Variants in CYP26A1 observed in about 807,000 individuals in gnomAD.
The protein encoded by CYP26A1 is cytochrome P450 26A1.
In CYP26A1, 46 loss-of-function variants were observed where a neutral mutation model predicts 47.4. The ratio of observed to expected loss-of-function variants is 0.97; its 90% CI spans 0.77 to 1.24. CYP26A1 has a LOEUF of 1.24. Among genes scored for constraint, CYP26A1 ranks in the 50% most tolerant of loss-of-function variants. The probability of loss-of-function intolerance (pLI) is 0.00; values close to 1 mark genes in which losing one functional copy is unlikely to be tolerated. For missense variants in CYP26A1, 680 were observed against 644.4 expected (o/e 1.06, Z -0.60); for synonymous variants, 277 against 263.7 (o/e 1.05, Z -0.49).
At chr10:93,073,788 A>C (rs899503815), upstream of CYP26A1, 1 of 570,456 alleles carries the variant, frequency 1.8e-6, no homozygotes, top group African/African-American at 2.0e-5. Context: ...CAGGGGCCCA[A>C]TCCGCAATTA....
intron 6 of CYP26A1, 98 bp downstream of exon 6, chr10:93,076,794 G>T: frequency 1.9e-6 from 2 of 1,048,088 alleles, no homozygotes; most frequent in South Asian, 3.1e-5. Context: ...TTTGATAATT[G>T]TTCTGCCCTA....
chr10:93,073,878 C>T (rs989771594), upstream of CYP26A1: 2 of 675,032 alleles, frequency 3.0e-6, no homozygotes, highest in African/African-American at 3.6e-5. Flanking sequence ...GCGGCAGCGC[C>T]GTGGGGTTTG....
chr10:93,076,405 GC>G (rs1475687353), intron 5 of CYP26A1, 138 bp from the exon 6 acceptor site: 6 of 624,562 alleles, frequency 9.6e-6, no homozygotes, highest in Non-Finnish European at 1.7e-5. Context: ...ATGGCCATTA[GC>G]TGCTGTTTCC....
At chr10:93,075,476 A>G (rs1331592686) in intron 4 of CYP26A1, among the ~76,000 whole-genome samples, 169 bp downstream of exon 4, 2 of 152,220 alleles carry the variant, frequency 1.3e-5, no homozygotes, top group East Asian at 3.8e-4. Flanking sequence ...CCCGGTCAGG[A>G]GAGCTGCGGA....
rs1310797023 is a variant in CYP26A1, at chr10:93,074,077, C to G, written c.143C>G (p.Thr48Ser). 7.0e-7 allele frequency: 1 copy of G among 1,435,532 alleles called. No individual in the cohort carries two copies. The highest frequency in any genetic ancestry group is 3.4e-5 in the East Asian group (1 of 29,688). The allele number at this position is 1,435,532 out of a possible 1,614,324, so 88.9% of individuals were successfully genotyped here. Residue 48 changes from threonine (T) to serine (S), a missense_variant, in exon 1 of 7, where the codon ACT (threonine) becomes AGT (serine). Thr to Ser is a moderately conservative substitution (Grantham distance 58). Coordinates refer to ENST00000224356, the MANE Select transcript of CYP26A1 (RefSeq NM_000783.4). This position sits in a 1 kb window ranked among gnomAD's most constrained non-coding sequence, Gnocchi z 5.3. ...RSCALPLPPG[T>S]MGFPFFGETL... Reference sequence around the variant, plus strand: ...TGTGCCCTCCCATTGCCCCCCGGGACTATGGGCTTCCCCTTCTTTGGGGAA... The same window carrying G: ...TGTGCCCTCCCATTGCCCCCCGGGAGTATGGGCTTCCCCTTCTTTGGGGAA...
chr10:93,073,765 C>G, upstream of CYP26A1: 1 of 568,420 alleles, frequency 1.8e-6, no homozygotes, highest in Non-Finnish European at 3.1e-6. Flanking sequence ...CAGCGCCTCG[C>G]GGGGGGAGGA....
chr10:93,075,846 C>A lies in CYP26A1; in HGVS notation c.885C>A (p.Thr295=), dbSNP rs773366572. The A allele has an allele frequency of 1.2e-6, 2 of 1,611,774 alleles. No homozygotes were observed. The highest frequency in any genetic ancestry group is 1.7e-6 in the Non-Finnish European group (2 of 1,177,892). The part of the protein sequence containing the change: ...LDMQALKQSS[T]ELLFGGHETT... ...CTTAGGCACTAAAGCAATCTTCAAC[C>A]GAACTCCTCTTTGGAGGACACGAAA... The change falls in exon 5 of 7, where the codon ACC becomes ACA. Residue 295 remains threonine, a synonymous_variant. Transcript: ENST00000224356.
chr10:93,077,202 C>G lies in CYP26A1; in HGVS notation c.1392C>G (p.Asp464Glu). 1 of 1,611,420 alleles carries G rather than the reference C, an allele frequency of 6.2e-7. No homozygotes were observed. Among genetic ancestry groups the G allele is most frequent in the Non-Finnish European group, 8.5e-7 (1 of 1,177,780 alleles). ...IFTVELARHC[D>E]WQLLNGPPTM... ...CAGTGGAGCTGGCCAGGCATTGTGA[C>G]TGGCAGCTTCTAAATGGACCTCCTA... Residue 464 changes from aspartate (D) to glutamate (E), a missense_variant, in exon 7 of 7, where the codon GAC (aspartate) becomes GAG (glutamate). Transcript: ENST00000224356.
Position 93,074,058 on chromosome 10 carries a change from C to A in CYP26A1, c.124C>A (p.Leu42Ile). ...CVSGRDRSCA[L>I]PLPPGTMGFP... ...GAGCGGCCGCGACCGCAGTTGTGCCCTCCCATTGCCCCCCGGGACTATGGG... is the reference window on the plus strand; with the variant it reads ...GAGCGGCCGCGACCGCAGTTGTGCCATCCCATTGCCCCCCGGGACTATGGG... The change falls in exon 1 of 7, where the codon CTC (leucine) becomes ATC (isoleucine). Residue 42 changes from leucine (L) to isoleucine (I), a missense_variant. Coordinates refer to ENST00000224356, the MANE Select transcript of CYP26A1 (RefSeq NM_000783.4). This position sits in a 1 kb window ranked among gnomAD's most constrained non-coding sequence, Gnocchi z 5.3. The A allele has an allele frequency of 6.2e-7, 1 of 1,603,674 alleles. No individual in the cohort carries two copies. The highest frequency in any genetic ancestry group is 1.1e-5 in the South Asian group (1 of 89,740).
rs770796705 is a variant in CYP26A1 at position 93,077,312 on chromosome 10, G to C, written c.*8G>C. 11 of 1,489,736 alleles carry C rather than the reference G, an allele frequency of 7.4e-6. No homozygotes were observed. The highest frequency in any genetic ancestry group is 9.9e-6 in the Non-Finnish European group (11 of 1,110,978). 92.3% of individuals were successfully genotyped at this position (1,489,736 alleles called of 1,614,324 possible). On this transcript the variant is annotated 3_prime_UTR_variant, in exon 7 of 7. Coordinates refer to ENST00000224356, the MANE Select transcript of CYP26A1 (RefSeq NM_000783.4). ...TTCCATGGGGAAATCTGATGAGCTTGAATGTTCAAACCTGAGACTTATTGG... is the reference window on the plus strand; with the variant it reads ...TTCCATGGGGAAATCTGATGAGCTTCAATGTTCAAACCTGAGACTTATTGG...
At position 93,074,206 on chromosome 10, in the gene CYP26A1, C is replaced by A; in HGVS notation, c.189+83C>A. ...TTCTGCTGAAGTCGGGGTAGGCGCCCCCGGGAGGCATGCTATTGCGGCTAG... is the reference window on the plus strand; with the variant it reads ...TTCTGCTGAAGTCGGGGTAGGCGCCACCGGGAGGCATGCTATTGCGGCTAG... On this transcript the variant is annotated intron_variant, in intron 1 of 6. Coordinates refer to ENST00000224356, the MANE Select transcript of CYP26A1 (RefSeq NM_000783.4). This position sits in a 1 kb window ranked among gnomAD's most constrained non-coding sequence, Gnocchi z 5.3. 1 of 1,520,440 alleles carries A rather than the reference C, an allele frequency of 6.6e-7. No individual in the cohort carries two copies. The highest frequency in any genetic ancestry group is 8.8e-7 in the Non-Finnish European group (1 of 1,130,282). The allele number at this position is 1,520,440 out of a possible 1,614,324, so 94.2% of individuals were successfully genotyped here. A position where few individuals can be genotyped will look rare whatever the true frequency, so the allele number is the denominator to read the frequency against.
At chr10:93,073,658 C>G (rs1846925903), upstream of CYP26A1, 2 of 477,514 alleles carry the variant, frequency 4.2e-6, no homozygotes, top group Admixed American at 8.1e-5. Context: ...GGGAGGCGGG[C>G]AGCTCCTAGC....
rs1846979327 is a variant in CYP26A1, at chr10:93,076,534, GT to G, written c.1000-6del. 2 of 1,597,738 alleles carry G rather than the reference GT, an allele frequency of 1.3e-6. No individual in the cohort carries two copies. Among genetic ancestry groups the G allele is most frequent in the African/African-American group, 2.7e-5 (2 of 74,510 alleles). On this transcript the variant is annotated splice_polypyrimidine_tract_variant and intron_variant, in intron 5 of 6. Transcript: ENST00000224356. ...AATAACTGTTCACCTCTGTATGACT[GT>G]TTTGATAGGGTTTACTTTGCAAGAG... is the stretch of plus-strand genomic sequence containing the variant.
In CYP26A1 at chr10:93,075,233, G is replaced by C. The variant is rs144846699; in HGVS notation, c.790G>C (p.Gly264Arg). 8.1e-6 allele frequency: 13 copies of C among 1,613,918 alleles called. No individual in the cohort carries two copies. In the African/African-American group the frequency reaches 1.2e-4, roughly 15 times the overall value. The change falls in exon 4 of 7, where the codon GGC (glycine) becomes CGC (arginine). Residue 264 changes from glycine to arginine, a missense_variant. Coordinates refer to ENST00000224356, the MANE Select transcript of CYP26A1 (RefSeq NM_000783.4). ...KICGLRASEA[G>R]QGCKDALQLL... ...CTGCGGGCTGCGGGCATCCGAGGCGGGCCAGGGCTGCAAAGACGCGCTGCA... is the reference window on the plus strand; with the variant it reads ...CTGCGGGCTGCGGGCATCCGAGGCGCGCCAGGGCTGCAAAGACGCGCTGCA...
intron 4 of CYP26A1, 147 bp downstream of exon 4, chr10:93,075,454 A>G (rs1352651636): frequency 1.4e-6 from 1 of 740,208 alleles, no homozygotes; most frequent in Non-Finnish European, 2.2e-6. Flanking sequence ...ATCCCGAAGG[A>G]AGGCTGAGAC....
chr10:93,074,700 G>C lies in CYP26A1; in HGVS notation c.415-79G>C. The C allele has an allele frequency of 1.6e-6, 2 of 1,275,846 alleles. No homozygotes were observed. Among genetic ancestry groups the C allele is most frequent in the South Asian group, 1.3e-5 (1 of 75,942 alleles). 79.0% of individuals were successfully genotyped at this position (1,275,846 alleles called of 1,614,324 possible). ...AGAGTGCCATGTGTCTGGCAGGACT[G>C]GGGGTGTCTGGAAGGGGACGGCGGT... On this transcript the variant is annotated intron_variant, in intron 2 of 6. Transcript: ENST00000224356. The surrounding 1 kb of genome is among the most constrained non-coding windows in gnomAD (Gnocchi z 5.3).
rs1564958271 is a variant in CYP26A1, at chr10:93,077,060, AC to A, written c.1252del (p.Arg418AspfsTer26). On this transcript the variant is annotated frameshift_variant, in exon 7 of 7. Transcript: ENST00000224356. LOFTEE classifies it high-confidence loss of function. ...ACCAACAAGGAAGAATTTAATCCTG[AC>A]CGATTCATGCTGCCTCACCCAGAGG... The part of the protein sequence containing the change: ...IFTNKEEFNP[D>X]RFMLPHPEDA... 1.2e-6 allele frequency: 2 copies of A among 1,613,742 alleles called. No homozygotes were observed. The highest frequency in any genetic ancestry group is 1.7e-6 in the Non-Finnish European group (2 of 1,179,614).
chr10:93,076,648 C>T lies in CYP26A1; in HGVS notation c.1104C>T (p.Pro368=). 1 of 1,611,556 alleles carries T rather than the reference C, an allele frequency of 6.2e-7. No homozygotes were observed. The highest frequency in any genetic ancestry group is 8.5e-7 in the Non-Finnish European group (1 of 1,177,758). The change falls in exon 6 of 7, where the codon CCC becomes CCT. Residue 368 remains proline (P), a synonymous_variant. Coordinates refer to ENST00000224356, the MANE Select transcript of CYP26A1 (RefSeq NM_000783.4). ...TTAAGGAGACCCTTCGACTGAATCC[C>T]CCAGTTCCAGGAGGGTTTCGGGTTG... ...CVIKETLRLN[P]PVPGGFRVAL...
intron 5 of CYP26A1, 97 bp downstream of exon 5, chr10:93,076,057 G>A (rs986224886): frequency 1.2e-5 from 12 of 987,746 alleles, no homozygotes; most frequent in South Asian, 8.7e-5. Context: ...CCTTCATGGA[G>A]TATTTTGAAA....
Sources: allele counts gnomAD v4.1 joint callset (sites outside exome capture counted in the v4.1 genomes callset), GRCh38; gene constraint gnomAD v4.1.1; non-coding constraint Gnocchi (gnomAD v3.1); transcripts MANE v1.5; gene names NCBI Gene and HGNC (gene_info 2026-07-23, HGNC 2026-07-21).